The following TYW1B variants were observed in gnomAD, a reference collection of about 807,000 sequenced individuals.
The protein encoded by TYW1B is tRNA-yW synthesizing protein 1 homolog B.
TYW1B carries 73 observed loss-of-function variants against 86.9 expected under a neutral mutation model. That is an observed-to-expected ratio of 0.84 (90% CI 0.70 to 1.02). The LOEUF is 1.02. Among genes scored for constraint, TYW1B ranks in the 50% least tolerant of loss-of-function variants. TYW1B has a pLI of 0.00. For synonymous variants in TYW1B, 248 were observed against 292.8 expected (o/e 0.85, Z 1.56); for missense variants, 637 against 827.4 (o/e 0.77, Z 2.82).
chr7:72,774,160 C>G (rs1554470126), intron 7 of TYW1B, among the ~76,000 whole-genome samples: 1 of 151,264 alleles, frequency 6.6e-6, no homozygotes, highest in Non-Finnish European at 1.5e-5. Context: ...GGGGGTAATG[C>G]CTGATGCTTA....
Position 72,711,473 on chromosome 7 carries a change from C to CTTTTTTTTTTTTTTT in TYW1B, c.1370+2133_1370+2147dup, listed in dbSNP as rs59438928. Among the ~76,000 whole-genome samples, 47 of 56,968 alleles carry CTTTTTTTTTTTTTTT rather than the reference C, an allele frequency of 8.3e-4. 14 individuals are homozygous for CTTTTTTTTTTTTTTT. The highest frequency in any genetic ancestry group is 9.9e-4 in the Non-Finnish European group (33 of 33,350). 37.4% of individuals were successfully genotyped at this position (56,968 alleles called of 152,430 possible). On this transcript the variant is annotated intron_variant, in intron 10 of 13. Coordinates refer to ENST00000620995, the MANE Select transcript of TYW1B (RefSeq NM_001145440.3). The stretch of plus-strand genomic sequence containing the variant: ...CTTCGTGTTTCTCTCCTCTTTAATT[C>CTTTTTTTTTTTTTTT]TTTTTTTTTTTTTTTTTTTTTTTTT...
chr7:72,821,948 T>G (rs1262382692), intron 2 of TYW1B, among the ~76,000 whole-genome samples: 1 of 151,628 alleles, frequency 6.6e-6, no homozygotes, highest in East Asian at 1.9e-4. Context: ...CAGTTAAGAT[T>G]AGAAACAGAA....
chr7:72,669,056 CAA>C (rs1563053006), intron 11 of TYW1B, among the ~76,000 whole-genome samples: 1 of 143,034 alleles, frequency 7.0e-6, no homozygotes, highest in African/African-American at 2.6e-5. Context: ...ATAGTATAAA[CAA>C]AGTCTCCAAA....
chr7:72,794,010 G>C (rs368677194), intron 6 of TYW1B, among the ~76,000 whole-genome samples: 2 of 152,264 alleles, frequency 1.3e-5, no homozygotes, highest in East Asian at 3.9e-4. Context: ...ACAGATTGAC[G>C]TACGGCTGCT....
At chr7:72,657,988 G>A (rs1813244522) in intron 11 of TYW1B, among the ~76,000 whole-genome samples, 1 of 152,230 alleles carries the variant, frequency 6.6e-6, no homozygotes, top group African/African-American at 2.4e-5. Context: ...AGGAGCGGTG[G>A]CTCGCACCTG....
In TYW1B at chr7:72,575,252, A is replaced by C. The variant is rs1554428235; in HGVS notation, c.*246T>G. 11 of 1,341,236 alleles carry C rather than the reference A, an allele frequency of 8.2e-6. No individual in the cohort carries two copies. The highest frequency in any genetic ancestry group is 1.1e-5 in the Non-Finnish European group (11 of 1,044,348). 83.1% of individuals were successfully genotyped at this position (1,341,236 alleles called of 1,614,324 possible). A position where few individuals can be genotyped will look rare whatever the true frequency, so the allele number is the denominator to read the frequency against. On this transcript the variant is annotated 3_prime_UTR_variant, in exon 14 of 14. Transcript: ENST00000620995. ...ATCACGACTGTGTAGTTCCTCCCCAAAATAATTTTCCTCTTAGAAGTAAAA... is the reference window on the plus strand; with the variant it reads ...ATCACGACTGTGTAGTTCCTCCCCACAATAATTTTCCTCTTAGAAGTAAAA...
intron 13 of TYW1B, among the ~76,000 whole-genome samples, chr7:72,614,873 G>A (rs181833937): frequency 1.3e-5 from 2 of 152,174 alleles, no homozygotes; most frequent in East Asian, 3.9e-4. Flanking sequence ...CAATGGCCTC[G>A]GCTAGCAATA....
chr7:72,627,456 G>GTAACATAACGTAACATAACA (rs1554439049), intron 12 of TYW1B, among the ~76,000 whole-genome samples: 1 of 124,524 alleles, frequency 8.0e-6, no homozygotes, highest in African/African-American at 3.2e-5. Flanking sequence ...TCAAAAAACA[G>GTAACATAACGTAACATAACA]TAACATAACA....
intron 13 of TYW1B, among the ~76,000 whole-genome samples, chr7:72,607,393 CAAAA>C (rs57281644): frequency 6.6e-5 from 5 of 76,228 alleles, no homozygotes; most frequent in Admixed American, 1.5e-4. Flanking sequence ...TTCTGTCTCT[CAAAA>C]AAAAAAAAAA....
intron 2 of TYW1B, among the ~76,000 whole-genome samples, chr7:72,825,454 G>A (rs1226262597): frequency 3.0e-4 from 46 of 152,086 alleles, no homozygotes; most frequent in Non-Finnish European, 5.1e-4. Flanking sequence ...CGAGGCAGGC[G>A]CATCACCTGA....
intron 4 of TYW1B, among the ~76,000 whole-genome samples, chr7:72,809,191 C>T (rs1190607075): frequency 6.6e-6 from 1 of 151,824 alleles, no homozygotes; most frequent in Non-Finnish European, 1.5e-5. Flanking sequence ...TACAGGCGCC[C>T]GTCACCACAC....
intron 8 of TYW1B, among the ~76,000 whole-genome samples, chr7:72,739,015 G>C (rs527310802): frequency 1.3e-5 from 2 of 152,100 alleles, no homozygotes; most frequent in African/African-American, 4.8e-5. Flanking sequence ...GAGCCCATGG[G>C]TTCAAGGTAC....
intron 7 of TYW1B, among the ~76,000 whole-genome samples, chr7:72,756,273 C>T (rs950238298): frequency 5.3e-5 from 8 of 150,112 alleles, no homozygotes; most frequent in South Asian, 2.1e-4. Flanking sequence ...CTGGCTCTGT[C>T]GCCCAGTCTG....
chr7:72,749,581 C>T (rs1398159216), intron 7 of TYW1B, among the ~76,000 whole-genome samples: 2 of 151,604 alleles, frequency 1.3e-5, no homozygotes, highest in East Asian at 2.0e-4. Context: ...CGTGAGCCGC[C>T]GCACCCAGCC....
chr7:72,688,241 G>A (rs1352879008), intron 11 of TYW1B, among the ~76,000 whole-genome samples: 1 of 152,110 alleles, frequency 6.6e-6, no homozygotes, highest in Non-Finnish European at 1.5e-5. Context: ...TAGCAGATAT[G>A]CTATGCAATT....
chr7:72,610,768 C>G (rs1811916049), intron 13 of TYW1B, among the ~76,000 whole-genome samples: 1 of 152,220 alleles, frequency 6.6e-6, no homozygotes, highest in East Asian at 1.9e-4. Flanking sequence ...CACAACACCA[C>G]AGCTGGCTAT....
At chr7:72,688,206 AT>A (rs1275710665) in intron 11 of TYW1B, among the ~76,000 whole-genome samples, 1 of 152,170 alleles carries the variant, frequency 6.6e-6, no homozygotes, top group Admixed American at 6.6e-5. Context: ...TTTCTTCAAT[AT>A]TTATTTTCTA....
In TYW1B at chr7:72,602,328, T is replaced by C. The variant is rs528920570; in HGVS notation, c.1785+14344A>G. ...TGAGGGTGGGAGCCAGGTCTCTCAC[T>C]GTTGGGTTGGGAATTTACAGATGAG... On this transcript the variant is annotated intron_variant, in intron 13 of 13. Transcript: ENST00000620995. Among the ~76,000 whole-genome samples, 344 of 152,232 alleles carry C rather than the reference T, an allele frequency of 2.3e-3. 2 individuals carry two copies. The highest frequency in any genetic ancestry group is 7.7e-3 in the African/African-American group (319 of 41,536).
chr7:72,685,756 C>T (rs1262972196), intron 11 of TYW1B, among the ~76,000 whole-genome samples: 1 of 152,104 alleles, frequency 6.6e-6, no homozygotes. Context: ...TTGGAAATAA[C>T]TTTTTAGATA....
Sources: allele counts gnomAD v4.1 joint callset (sites outside exome capture counted in the v4.1 genomes callset), GRCh38; gene constraint gnomAD v4.1.1; transcripts MANE v1.5; gene names NCBI Gene and HGNC (gene_info 2026-07-23, HGNC 2026-07-21).